The following SAMD3 variants were observed in gnomAD, a reference collection of about 807,000 sequenced individuals.
SAMD3 encodes the protein sterile alpha motif domain containing 3, also known as sterile alpha motif domain-containing protein 3.
A neutral mutation model predicts 58.5 loss-of-function variants in SAMD3; 63 were observed. The ratio of observed to expected loss-of-function variants is 1.08; its 90% confidence interval spans 0.88 to 1.33. The LOEUF (loss-of-function observed/expected upper bound fraction) is 1.33, where lower values mean the gene tolerates loss of function less well. Among genes scored for constraint, SAMD3 ranks in the 40% most tolerant of loss-of-function variants. The pLI is 0.00. For missense variants in SAMD3, 604 were observed against 608.4 expected, an observed-to-expected ratio of 0.99 and a Z score of 0.08; for synonymous variants, 220 against 210.3, an observed-to-expected ratio of 1.05 and a Z score of -0.40.
At position 130,204,998 on chromosome 6, in the gene SAMD3, G is replaced by A. The variant is rs112084728; in HGVS notation, c.383+4497C>T. Among the ~76,000 whole-genome samples the A allele has an allele frequency of 8.5e-3, 1,291 of 151,962 alleles. 14 individuals carry two copies. Among genetic ancestry groups the A allele is most frequent in the African/African-American group, 0.03 (1,236 of 41,424 alleles). ...TGGGCAAGTGGAGGAGTCAGGATTT[G>A]AACCCAATGTGTAAGACTCCAAAAG... On this transcript the variant is annotated intron_variant, in intron 5 of 11. Coordinates refer to ENST00000439090, the MANE Select transcript of SAMD3 (RefSeq NM_001017373.4).
intron 2 of SAMD3, among the ~76,000 whole-genome samples, chr6:130,249,339 T>G (rs1175904206): frequency 6.6e-6 from 1 of 152,176 alleles, no homozygotes; most frequent in Admixed American, 6.5e-5. Flanking sequence ...TTTTTATTTT[T>G]TTTCTTGAAT....
chr6:130,183,603 A>T (rs972100766), intron 7 of SAMD3: 1 of 332,484 alleles, frequency 3.0e-6, no homozygotes, highest in Non-Finnish European at 5.8e-6. Context: ...TTAAGACTCT[A>T]AAGCGAACAG....
intron 2 of SAMD3, among the ~76,000 whole-genome samples, chr6:130,262,692 G>A (rs886751615): frequency 6.6e-6 from 1 of 151,980 alleles, no homozygotes; most frequent in Non-Finnish European, 1.5e-5. Context: ...TTATGTGCAA[G>A]GTATATAAAG....
intron 4 of SAMD3, among the ~76,000 whole-genome samples, chr6:130,210,218 T>C (rs955972538): frequency 6.6e-5 from 10 of 152,196 alleles, no homozygotes; most frequent in African/African-American, 2.4e-4. Context: ...CAAATATGCC[T>C]AACTATTTCA....
intron 2 of SAMD3, among the ~76,000 whole-genome samples, chr6:130,242,948 C>T (rs1773413607): frequency 6.6e-6 from 1 of 152,206 alleles, no homozygotes; most frequent in South Asian, 2.1e-4. Flanking sequence ...AGCTCAGCTC[C>T]TTCATTGCCT....
chr6:130,224,572 A>G (rs1796332233), upstream of SAMD3, among the ~76,000 whole-genome samples: 1 of 150,674 alleles, frequency 6.6e-6, no homozygotes, highest in South Asian at 2.1e-4. Flanking sequence ...ACTTTTGTTT[A>G]TGCAAAAGCA....
intron 5 of SAMD3, among the ~76,000 whole-genome samples, chr6:130,195,638 G>T (rs966611962): frequency 6.6e-6 from 1 of 151,848 alleles, no homozygotes; most frequent in South Asian, 2.1e-4. Context: ...GCCTCTCTTC[G>T]CTTTCACTTG....
At chr6:130,333,946 G>A (rs996600690) in intron 1 of SAMD3, among the ~76,000 whole-genome samples, 12 of 152,120 alleles carry the variant, frequency 7.9e-5, no homozygotes, top group Admixed American at 2.6e-4. Context: ...TGGGGCTGCC[G>A]CTTCTCTGAG....
intron 1 of SAMD3, among the ~76,000 whole-genome samples, chr6:130,337,791 C>A (rs1304039759): frequency 6.6e-6 from 1 of 152,202 alleles, no homozygotes; most frequent in Non-Finnish European, 1.5e-5. Flanking sequence ...CCGTAGAGAT[C>A]TGTGGAACTT....
At chr6:130,255,839 T>C (rs1434118019) in intron 2 of SAMD3, among the ~76,000 whole-genome samples, 1 of 151,480 alleles carries the variant, frequency 6.6e-6, no homozygotes, top group Non-Finnish European at 1.5e-5. Flanking sequence ...GTCGGCAACA[T>C]ATAGTTGGGT....
At chr6:130,189,955 T>C (rs971612795) in intron 5 of SAMD3, among the ~76,000 whole-genome samples, 1 of 152,168 alleles carries the variant, frequency 6.6e-6, no homozygotes, top group African/African-American at 2.4e-5. Flanking sequence ...AAAACTCTAA[T>C]AGAAAAACCT....
chr6:130,242,945 C>T (rs1014097011), intron 2 of SAMD3, among the ~76,000 whole-genome samples: 4 of 152,194 alleles, frequency 2.6e-5, no homozygotes, highest in African/African-American at 9.7e-5. Context: ...CATAGCTCAG[C>T]TCCTTCATTG....
intron 2 of SAMD3, among the ~76,000 whole-genome samples, chr6:130,258,624 CTT>C (rs1262621743): frequency 6.6e-6 from 1 of 152,150 alleles, no homozygotes; most frequent in Non-Finnish European, 1.5e-5. Context: ...ACAAAAGAGT[CTT>C]TATGCTCCTT....
rs984287447 is a variant in SAMD3, at chr6:130,181,049, C to T, written c.654+3054G>A. 2.0e-4 allele frequency among the ~76,000 whole-genome samples: 30 copies of T among 151,152 alleles called. No individual in the cohort carries two copies. In the Middle Eastern group the frequency reaches 0.01, roughly 51 times the overall value. On this transcript the variant is annotated intron_variant, in intron 7 of 11. Transcript: ENST00000439090. ...TGCAACCTCGGCCTCCCGGTTCAAGCGATTCTCCTGCCTCAGCCTCCTGAG... is the reference window on the plus strand; with the variant it reads ...TGCAACCTCGGCCTCCCGGTTCAAGTGATTCTCCTGCCTCAGCCTCCTGAG...
At chr6:130,212,111 C>T (rs1795627402) in intron 4 of SAMD3, among the ~76,000 whole-genome samples, 1 of 151,692 alleles carries the variant, frequency 6.6e-6, no homozygotes, top group Admixed American at 6.6e-5. Context: ...ACCAAGTTTC[C>T]TATCTTTTTT....
intron 2 of SAMD3, among the ~76,000 whole-genome samples, chr6:130,250,338 C>T (rs1433522640): frequency 6.6e-6 from 1 of 152,042 alleles, no homozygotes; most frequent in East Asian, 1.9e-4. Flanking sequence ...TGCCCTAGTG[C>T]TAAAGGACTA....
In SAMD3 at chr6:130,211,276, ATTTTTTTT is replaced by A. The variant is rs762531402; in HGVS notation, c.270-1676_270-1669del. On this transcript the variant is annotated intron_variant, in intron 4 of 11. Coordinates refer to ENST00000439090, the MANE Select transcript of SAMD3 (RefSeq NM_001017373.4). ...TTCTTTCAATCAATTGCCAATCAGAATTTTTTTTTTTTTTTTTTTTTTTCTGAGACAGA... is the reference window on the plus strand; with the variant it reads ...TTCTTTCAATCAATTGCCAATCAGAATTTTTTTTTTTTTTTCTGAGACAGA... 2.8e-3 allele frequency among the ~76,000 whole-genome samples: 267 copies of A among 93,816 alleles called. 1 individual carries two copies. The highest frequency in any genetic ancestry group is 6.7e-3 in the African/African-American group (157 of 23,558). 61.5% of individuals were successfully genotyped at this position (93,816 alleles called of 152,430 possible). A position where few individuals can be genotyped will look rare whatever the true frequency, so the allele number is the denominator to read the frequency against.
rs573164657 is a variant in SAMD3, at chr6:130,287,711, C to T, written c.-188+25267G>A. Among the ~76,000 whole-genome samples the T allele has an allele frequency of 1.0e-3, 155 of 151,998 alleles. 1 individual carries two copies. Among genetic ancestry groups the T allele is most frequent in the Non-Finnish European group, 1.5e-3 (99 of 67,974 alleles). On this transcript the variant is annotated intron_variant, in intron 2 of 13. Transcript: ENST00000368134. Reference sequence around the variant, plus strand: ...CTATAATCCCAGCACTTTGGGAGGCCGAGGCAGGCAGATCACGAGGTTAAG... The same window carrying T: ...CTATAATCCCAGCACTTTGGGAGGCTGAGGCAGGCAGATCACGAGGTTAAG...
chr6:130,294,065 G>T (rs1461150694), intron 2 of SAMD3, among the ~76,000 whole-genome samples: 1 of 152,128 alleles, frequency 6.6e-6, no homozygotes, highest in African/African-American at 2.4e-5. Context: ...TCACCCCCAA[G>T]ACATTCCTTT....
Sources: allele counts gnomAD v4.1 joint callset (sites outside exome capture counted in the v4.1 genomes callset), GRCh38; gene constraint gnomAD v4.1.1; transcripts MANE v1.5; gene names NCBI Gene and HGNC (gene_info 2026-07-23, HGNC 2026-07-21).